Variants in MYLK3 observed in about 807,000 individuals in gnomAD.
MYLK3 encodes the protein myosin light chain kinase 3.
MYLK3 carries 55 observed loss-of-function variants against 76.3 expected under a neutral mutation model. That is an observed-to-expected ratio of 0.72 (90% CI 0.58 to 0.90). The LOEUF (loss-of-function observed/expected upper bound fraction) is 0.90, where lower values mean the gene tolerates loss of function less well. Among genes scored for constraint, MYLK3 ranks in the 40% least tolerant of loss-of-function variants. The pLI, the probability that MYLK3 is intolerant of heterozygous loss-of-function variation, is 0.00. For missense variants in MYLK3, 973 were observed against 1,053.6 expected, an observed-to-expected ratio of 0.92 and a Z score of 1.06; for synonymous variants, 416 against 425.4, an observed-to-expected ratio of 0.98 and a Z score of 0.27.
intron 1 of MYLK3, among the ~76,000 whole-genome samples, chr16:46,760,339 G>A (rs1967261400): frequency 6.6e-6 from 1 of 152,238 alleles, no homozygotes; most frequent in Non-Finnish European, 1.5e-5. Context: ...AAGAATCAGA[G>A]AAGGGACTGC....
At chr16:46,728,914 G>A (rs1406966809) in intron 7 of MYLK3, 110 bp downstream of exon 7, 19 of 782,374 alleles carry the variant, frequency 2.4e-5, no homozygotes, top group South Asian at 1.7e-4. Flanking sequence ...GACCCTGGAC[G>A]TGCCAGGAAG....
At chr16:46,754,926 T>C (rs1210106277) in intron 1 of MYLK3, among the ~76,000 whole-genome samples, 1 of 151,864 alleles carries the variant, frequency 6.6e-6, no homozygotes, top group Non-Finnish European at 1.5e-5. Flanking sequence ...AGACATGGTC[T>C]CACTCTGTCA....
chr16:46,759,334 G>A lies in MYLK3; in HGVS notation c.-114+3706C>T, dbSNP rs868273904. ...CCCCTGAAGCTAAATCCAGACCAAC[G>A]GCCATTCATCCATCCATCCATTCAT... On this transcript the variant is annotated intron_variant, in intron 1 of 11. Transcript: ENST00000536476. 2.2e-4 allele frequency among the ~76,000 whole-genome samples: 34 copies of A among 152,312 alleles called. No individual in the cohort carries two copies. The Middle Eastern group carries it at 0.024, about 107-fold the overall frequency.
At chr16:46,754,107 C>A (rs1967166440) in intron 1 of MYLK3, among the ~76,000 whole-genome samples, 1 of 151,534 alleles carries the variant, frequency 6.6e-6, no homozygotes, top group Admixed American at 6.6e-5. Context: ...AGATAATGTC[C>A]CAGAAAATAA....
chr16:46,709,505 A>G, intron 12 of MYLK3, 34 bp downstream of exon 12: 1 of 1,599,346 alleles, frequency 6.3e-7, no homozygotes. Context: ...TTAGGATGAC[A>G]AATTCCACCT....
intron 1 of MYLK3, among the ~76,000 whole-genome samples, chr16:46,745,083 C>A (rs1967000294): frequency 6.6e-6 from 1 of 151,868 alleles, no homozygotes; most frequent in Non-Finnish European, 1.5e-5. Context: ...CAAAAGCATT[C>A]CCACACCTTG....
At chr16:46,727,108 G>C in intron 8 of MYLK3, 128 bp downstream of exon 8, 2 of 1,108,122 alleles carry the variant, frequency 1.8e-6, no homozygotes, top group Non-Finnish European at 2.5e-6. Flanking sequence ...CCAGACTCCA[G>C]AACTACAAAA....
rs1167095721 is a variant in MYLK3 at position 46,702,765 on chromosome 16, C to A, written c.*4939G>T. Among the ~76,000 whole-genome samples, 6 of 152,006 alleles carry A rather than the reference C, an allele frequency of 3.9e-5. No individual in the cohort carries two copies. The East Asian group carries it at 1.2e-3, about 29-fold the overall frequency. On this transcript the variant is annotated 3_prime_UTR_variant, in exon 13 of 13. Coordinates refer to ENST00000394809, the MANE Select transcript of MYLK3 (RefSeq NM_182493.3). ...TGAAAGCCCATCTCTACTAAAAACA[C>A]AAAAATTAGCTGGGCGTGGTGGCGC... is the stretch of plus-strand genomic sequence containing the variant.
intron 1 of MYLK3, among the ~76,000 whole-genome samples, chr16:46,760,701 C>T (rs1345122661): frequency 1.3e-5 from 2 of 152,182 alleles, no homozygotes; most frequent in Non-Finnish European, 2.9e-5. Flanking sequence ...CTGAGCTGAG[C>T]CCAGTCCCAA....
intron 8 of MYLK3, among the ~76,000 whole-genome samples, chr16:46,722,587 T>A (rs921409313): frequency 2.0e-5 from 3 of 152,218 alleles, no homozygotes; most frequent in Non-Finnish European, 4.4e-5. Flanking sequence ...GTGAGCCACA[T>A]ATATAGTAAT....
Position 46,737,692 on chromosome 16 carries a change from C to A in MYLK3, c.1001+19G>T, listed in dbSNP as rs757241271. 6.3e-7 allele frequency: 1 copy of A among 1,578,718 alleles called. No individual in the cohort carries two copies. Among genetic ancestry groups the A allele is most frequent in the Non-Finnish European group, 8.6e-7 (1 of 1,159,232 alleles). On this transcript the variant is annotated intron_variant, in intron 3 of 12. Transcript: ENST00000394809. Reference sequence around the variant, plus strand: ...CAGTCCATCCCCTCCCTCACCCAGCCTGGAAGAGCTCCCCTTACCTTGGAG... The same window carrying A: ...CAGTCCATCCCCTCCCTCACCCAGCATGGAAGAGCTCCCCTTACCTTGGAG...
chr16:46,758,422 C>T (rs374822466), intron 1 of MYLK3, among the ~76,000 whole-genome samples: 2 of 152,148 alleles, frequency 1.3e-5, no homozygotes, highest in African/African-American at 2.4e-5. Flanking sequence ...GCACTCACAG[C>T]CCCTGCGCTG....
chr16:46,755,863 T>C (rs1437364674), intron 1 of MYLK3, among the ~76,000 whole-genome samples: 1 of 151,484 alleles, frequency 6.6e-6, no homozygotes, highest in Non-Finnish European at 1.5e-5. Context: ...CAAAAGGAAT[T>C]AGAGATGCCA....
At chr16:46,734,495 T>C (rs1342550211) in intron 3 of MYLK3, among the ~76,000 whole-genome samples, 2 of 152,188 alleles carry the variant, frequency 1.3e-5, no homozygotes, top group Middle Eastern at 3.2e-3. Context: ...GTGCTTGTAG[T>C]CCCAGCTACT....
At chr16:46,714,931 G>T (rs1567281533) in intron 9 of MYLK3, among the ~76,000 whole-genome samples, 1 of 152,130 alleles carries the variant, frequency 6.6e-6, no homozygotes, top group East Asian at 1.9e-4. Context: ...TTGTTTTAAA[G>T]CCCTGATTTG....
rs115646783 is a variant in MYLK3 at position 46,743,501 on chromosome 16, T to G, written c.478-3354A>C. On this transcript the variant is annotated intron_variant, in intron 1 of 12. Coordinates refer to ENST00000394809, the MANE Select transcript of MYLK3 (RefSeq NM_182493.3). ...AACACGGAGGGAAGCAGAGGCTTCC[T>G]GTCAATGGGCCAATCAGCAGCCGAC... 1.7e-3 allele frequency among the ~76,000 whole-genome samples: 252 copies of G among 152,308 alleles called. 1 individual carries two copies. Among genetic ancestry groups the G allele is most frequent in the African/African-American group, 5.8e-3 (243 of 41,558 alleles).
chr16:46,707,641 ATC>A lies in MYLK3; in HGVS notation c.*61_*62del, dbSNP rs1966639126. The A allele has an allele frequency of 8.9e-7, 1 of 1,122,888 alleles. No individual in the cohort carries two copies. Among genetic ancestry groups the A allele is most frequent in the Non-Finnish European group, 1.3e-6 (1 of 762,912 alleles). 69.6% of individuals were successfully genotyped at this position (1,122,888 alleles called of 1,614,324 possible). A position where few individuals can be genotyped will look rare whatever the true frequency, so the allele number is the denominator to read the frequency against. ...GCCAAATTATTTAAATGTTTGAGTC[ATC>A]TCTTCACTTCACCACTGGCCTCAGT... is the stretch of plus-strand genomic sequence containing the variant. On this transcript the variant is annotated 3_prime_UTR_variant, in exon 13 of 13. Transcript: ENST00000394809.
At chr16:46,727,628 G>A (rs1966845282) in intron 7 of MYLK3, among the ~76,000 whole-genome samples, 1 of 152,200 alleles carries the variant, frequency 6.6e-6, no homozygotes, top group South Asian at 2.1e-4. Flanking sequence ...CTGGGTTCAA[G>A]TGATTCTCCT....
chr16:46,728,075 A>G (rs1966845975), intron 7 of MYLK3, among the ~76,000 whole-genome samples: 2 of 151,890 alleles, frequency 1.3e-5, no homozygotes, highest in Admixed American at 6.5e-5. Context: ...CTGAAGACAC[A>G]TAGTCTTTCG....
Sources: gnomAD v4.1 joint callset for allele counts (sites outside exome capture counted in the v4.1 genomes callset) on GRCh38, gnomAD v4.1.1 for gene constraint, MANE v1.5 for transcripts, NCBI Gene and HGNC (gene_info 2026-07-23, HGNC 2026-07-21) for gene names.